The following IGFN1 variants were observed in gnomAD, a reference collection of about 807,000 sequenced individuals.
IGFN1 encodes immunoglobulin-like and fibronectin type III domain-containing protein 1.
IGFN1 carries 253 observed loss-of-function variants against 289.5 expected under a neutral mutation model. The ratio of observed to expected loss-of-function variants is 0.87; its 90% CI spans 0.79 to 0.97. IGFN1 has a LOEUF of 0.97. Ranked by LOEUF, IGFN1 falls within the 50% of genes least tolerant of loss-of-function variation. The pLI, the probability that IGFN1 is intolerant of heterozygous loss-of-function variation, is 0.00. For missense variants in IGFN1, 4,470 were observed against 4,686.1 expected (o/e 0.95, Z 1.35); for synonymous variants, 1,706 against 1,788.5 (o/e 0.95, Z 1.16).
intron 3 of IGFN1, among the ~76,000 whole-genome samples, chr1:201,194,489 A>G (rs183565237): frequency 3.1e-4 from 47 of 152,354 alleles, no homozygotes; most frequent in Admixed American, 2.9e-3. Flanking sequence ...AAGAGAGTGA[A>G]GAGACACCAT....
chr1:201,215,507 G>T, intron 14 of IGFN1, 32 bp from the exon 15 acceptor site: 1 of 1,520,694 alleles, frequency 6.6e-7, no homozygotes, highest in Non-Finnish European at 8.8e-7. Flanking sequence ...CCAGTGCCCT[G>T]GTCTTCCTTG....
At position 201,212,377 on chromosome 1, in the gene IGFN1, A is replaced by G; in HGVS notation, c.7484A>G (p.Asp2495Gly). The G allele has an allele frequency of 3.9e-6, 6 of 1,536,882 alleles. No homozygotes were observed. The highest frequency in any genetic ancestry group is 5.2e-6 in the Non-Finnish European group (6 of 1,146,806). The change falls in exon 12 of 24, where the codon GAC (aspartate) becomes GGC (glycine). Residue 2495 changes from aspartate (D) to glycine (G), a missense_variant. Asp to Gly is a moderately conservative substitution (Grantham distance 94). Coordinates refer to ENST00000335211, the MANE Select transcript of IGFN1 (RefSeq NM_001164586.2). ...AAACCAGATGTCAAAGAATGGCAAG[A>G]CAGTTCTGGGACTCCAGGGTCTTCT... ...KGKPDVKEWQ[D>G]SSGTPGSSRD...
chr1:201,201,855 T>TGGGGGGGCTTGGGGG, intron 9 of IGFN1, 23 bp downstream of exon 9: 1 of 746,310 alleles, frequency 1.3e-6, no homozygotes, highest in Non-Finnish European at 2.3e-6. Context: ...GGGCTATGGG[T>TGGGGGGGCTTGGGGG]GGGGGGGATC....
Position 201,209,113 on chromosome 1 carries a change from A to C in IGFN1, c.4220A>C (p.Glu1407Ala). ...CCTGGGGAGATGGGGTCACTGGATG[A>C]GTCAGGTCATAGGAATGGGATTGGA... ...RGPGEMGSLD[E>A]SGHRNGIGGY... Residue 1407 changes from glutamate to alanine, a missense_variant, in exon 12 of 24, where the codon GAG (glutamate) becomes GCG (alanine). Physicochemically the swap from Glu to Ala is moderately radical, Grantham distance 107. Transcript: ENST00000335211. 1 of 1,529,610 alleles carries C rather than the reference A, an allele frequency of 6.5e-7. No homozygotes were observed. The highest frequency in any genetic ancestry group is 8.7e-7 in the Non-Finnish European group (1 of 1,144,890). The allele number at this position is 1,529,610 out of a possible 1,614,324, so 94.8% of individuals were successfully genotyped here. A position where few individuals can be genotyped will look rare whatever the true frequency, so the allele number is the denominator to read the frequency against.
rs832156 is a variant in IGFN1 at position 201,206,099 on chromosome 1, C to A, written c.1206C>A (p.Asp402Glu). The A allele has an allele frequency of 0.72, 1,121,095 of 1,547,650 alleles. 407,310 individuals are homozygous for A. Among genetic ancestry groups the A allele is most frequent in the African/African-American group, 0.84 (61,343 of 73,068 alleles). ...TCACTGAAGCTGGGAAGGATAAAGACCTTCAGTCCACAAGTGCTGACCACA... is the reference window on the plus strand; with the variant it reads ...TCACTGAAGCTGGGAAGGATAAAGAACTTCAGTCCACAAGTGCTGACCACA... ...WLVVEAGKDK[D>E]LQSTSADHKL... The change falls in exon 12 of 24, where the codon GAC becomes GAA. Residue 402 changes from aspartate to glutamate, a missense_variant. Asp to Glu is a conservative substitution (Grantham distance 45). Around this residue, in one of 8 missense-constraint regions of IGFN1, gnomAD observed 2,011 missense variants for 1,953.4 expected, o/e 1.03. Coordinates refer to ENST00000335211, the MANE Select transcript of IGFN1 (RefSeq NM_001164586.2).
At position 201,208,574 on chromosome 1, in the gene IGFN1, G is replaced by A. The variant is rs1667549601; in HGVS notation, c.3681G>A (p.Gly1227=). 2 of 1,476,700 alleles carry A rather than the reference G, an allele frequency of 1.4e-6. No homozygotes were observed. Among genetic ancestry groups the A allele is most frequent in the South Asian group, 1.4e-5 (1 of 72,338 alleles). 91.5% of individuals were successfully genotyped at this position (1,476,700 alleles called of 1,614,324 possible). ...GSELPGPQGT[G]VRTAYGERSR... ...AACTTCCAGGGCCTCAGGGAACTGG[G>A]GTCAGAACAGCCTATGGAGAAAGGT... The change falls in exon 12 of 24, where the codon GGG becomes GGA. Residue 1227 remains glycine, a synonymous_variant. Transcript: ENST00000335211.
intron 16 of IGFN1, among the ~76,000 whole-genome samples, 165 bp from the exon 17 acceptor site, chr1:201,217,122 T>C (rs541043891): frequency 1.3e-5 from 2 of 152,190 alleles, no homozygotes; most frequent in South Asian, 2.1e-4. Context: ...TTCCCTTGAA[T>C]AGCCAGAACA....
At chr1:201,195,149 C>CTT (rs149647238) in intron 3 of IGFN1, among the ~76,000 whole-genome samples, 1 of 147,222 alleles carries the variant, frequency 6.8e-6, no homozygotes, top group Non-Finnish European at 1.5e-5. Context: ...AAAATCTCTT[C>CTT]TTTTTTTTTT....
chr1:201,199,213 G>C, intron 5 of IGFN1, 121 bp from the exon 6 acceptor site: 1 of 839,128 alleles, frequency 1.2e-6, no homozygotes, highest in Non-Finnish European at 2.0e-6. Context: ...ACGCCTTAGA[G>C]GACAGTGGGG....
At position 201,212,769 on chromosome 1, in the gene IGFN1, G is replaced by C. The variant is rs1319366106; in HGVS notation, c.7876G>C (p.Ala2626Pro). 2.6e-6 allele frequency: 4 copies of C among 1,551,540 alleles called. No homozygotes were observed. Among genetic ancestry groups the C allele is most frequent in the Non-Finnish European group, 3.5e-6 (4 of 1,146,912 alleles). ...TAGACAAGGGACGAGCAATGCTTGG[G>C]CTCCTGATTGGGAAAACCAGGGGTT... ...ADRQGTSNAWAPDWENQGFSQ... is the reference protein window; with the variant it reads ...ADRQGTSNAWPPDWENQGFSQ... The change falls in exon 12 of 24, where the codon GCT (alanine) becomes CCT (proline). Residue 2626 changes from alanine (A) to proline (P), a missense_variant. Ala to Pro is a conservative substitution (Grantham distance 27, BLOSUM62 -1). Coordinates refer to ENST00000335211, the MANE Select transcript of IGFN1 (RefSeq NM_001164586.2).
Position 201,203,656 on chromosome 1 carries a change from C to T in IGFN1, c.748-82C>T, listed in dbSNP as rs1667257268. The T allele has an allele frequency of 2.2e-6, 3 of 1,342,414 alleles. No individual in the cohort carries two copies. The African/African-American group carries it at 4.4e-5, about 20-fold the overall frequency. 83.2% of individuals were successfully genotyped at this position (1,342,414 alleles called of 1,614,324 possible). Reference sequence around the variant, plus strand: ...CGACTGGGCCCGTGGGAGAAAACTGCTGGTTATAGCCAGAATGGGACTGGG... The same window carrying T: ...CGACTGGGCCCGTGGGAGAAAACTGTTGGTTATAGCCAGAATGGGACTGGG... On this transcript the variant is annotated intron_variant, in intron 9 of 23. Transcript: ENST00000335211.
At position 201,226,022 on chromosome 1, in the gene IGFN1, TC is replaced by T; in HGVS notation, c.10689del (p.Gly3564AlafsTer37). ...AACCGCTTCACCCTCCTGGGCATCC[TC>T]CCCGGCCACGAATACCACTTCAGGG... The part of the protein sequence containing the change: ...HTNRFTLLGI[L>X]PGHEYHFRVV... On this transcript the variant is annotated frameshift_variant, in exon 22 of 24. Transcript: ENST00000335211. LOFTEE classifies it high-confidence loss of function. The T allele has an allele frequency of 6.3e-7, 1 of 1,582,738 alleles. No individual in the cohort carries two copies. The highest frequency in any genetic ancestry group is 8.6e-7 in the Non-Finnish European group (1 of 1,161,900).
chr1:201,196,082 C>G, intron 4 of IGFN1, 104 bp downstream of exon 4: 1 of 1,168,168 alleles, frequency 8.6e-7, no homozygotes, highest in Non-Finnish European at 1.2e-6. Flanking sequence ...AAGACATACT[C>G]CTCGTTGAGG....
At chr1:201,204,921 G>A (rs996434828) in intron 10 of IGFN1, among the ~76,000 whole-genome samples, 161 bp from the exon 11 acceptor site, 2 of 152,188 alleles carry the variant, frequency 1.3e-5, no homozygotes, top group Non-Finnish European at 2.9e-5. Context: ...TACTTGGGGG[G>A]AATTGACACC....
Position 201,228,544 on chromosome 1 carries a change from C to A in IGFN1, c.*145C>A. ...GAGAAGATGCCTGGCGAGGTTTTGG[C>A]CAGGAGGACGTGAAGTCCTTGGGGA... On this transcript the variant is annotated 3_prime_UTR_variant, in exon 24 of 24. Transcript: ENST00000335211. The A allele has an allele frequency of 1.1e-6, 1 of 873,044 alleles. No individual in the cohort carries two copies. The highest frequency in any genetic ancestry group is 1.9e-6 in the Non-Finnish European group (1 of 519,348). The allele number at this position is 873,044 out of a possible 1,614,324, so 54.1% of individuals were successfully genotyped here. A position where few individuals can be genotyped will look rare whatever the true frequency, so the allele number is the denominator to read the frequency against.
Position 201,195,932 on chromosome 1 carries a change from A to T in IGFN1, c.221A>T (p.Lys74Met). 6.4e-7 allele frequency: 1 copy of T among 1,551,832 alleles called. No individual in the cohort carries two copies. Among genetic ancestry groups the T allele is most frequent in the Non-Finnish European group, 8.7e-7 (1 of 1,147,020 alleles). Residue 74 changes from lysine (K) to methionine (M), a missense_variant, in exon 4 of 24, where the codon AAG becomes ATG. Lys to Met is a moderately conservative substitution (Grantham distance 95). Coordinates refer to ENST00000335211, the MANE Select transcript of IGFN1 (RefSeq NM_001164586.2). ...AAAGGTGACCTCAGTGATTCCAGCA[A>T]GTACAAGATCTCCTCCAGCCCTGGC... ...NSKGDLSDSS[K>M]YKISSSPGSK...
Position 201,209,007 on chromosome 1 carries a change from T to C in IGFN1, c.4114T>C (p.Ser1372Pro). The change falls in exon 12 of 24, where the codon TCA (serine) becomes CCA (proline). Residue 1372 changes from serine (S) to proline (P), a missense_variant. Ser to Pro is a moderately conservative substitution (Grantham distance 74). Transcript: ENST00000335211. The stretch of plus-strand genomic sequence containing the variant: ...TTTAAAGGGTTCCAGGGAAATCGGG[T>C]CAATGGATGAAACAGATAATAGGAA... ...GGLKGSREIG[S>P]MDETDNRKDL... 1 of 1,535,564 alleles carries C rather than the reference T, an allele frequency of 6.5e-7. No individual in the cohort carries two copies. Among genetic ancestry groups the C allele is most frequent in the Non-Finnish European group, 8.7e-7 (1 of 1,146,586 alleles).
At position 201,208,117 on chromosome 1, in the gene IGFN1, G is replaced by GTGGC. The variant is rs1447770040; in HGVS notation, c.3225_3228dup (p.Leu1077TrpfsTer13). The GTGGC allele has an allele frequency of 3.3e-6, 5 of 1,536,950 alleles. No homozygotes were observed. In the Admixed American group the frequency reaches 9.8e-5, roughly 30 times the overall value. ...CCTAGGGGAGGGCACCATTCAGATG[G>GTGGC]TGGCCTAGGGAGTCCTGGGGTGACA... On this transcript the variant is annotated frameshift_variant, in exon 12 of 24. Transcript: ENST00000335211. LOFTEE classifies it high-confidence loss of function.
Position 201,227,049 on chromosome 1 carries a change from C to T in IGFN1, c.10954C>T (p.Arg3652Cys), listed in dbSNP as rs142381894. The change falls in exon 23 of 24, where the codon CGC (arginine) becomes TGC (cysteine). Residue 3652 changes from arginine to cysteine, a missense_variant. Arg to Cys is a radical substitution (Grantham distance 180). Around this residue, in one of 8 missense-constraint regions of IGFN1, gnomAD observed 2,218 missense variants for 2,114.1 expected, o/e 1.05. Coordinates refer to ENST00000335211, the MANE Select transcript of IGFN1 (RefSeq NM_001164586.2). ...RPHVTWFKND[R>C]SLEGNPAVYS... ...CCACGTCACCTGGTTCAAGAATGAC[C>T]GCAGCCTGGAAGGAAACCCCGCGGT... The T allele has an allele frequency of 2.0e-4, 316 of 1,613,672 alleles. No homozygotes were observed. Among genetic ancestry groups the T allele is most frequent in the East Asian group, 1.0e-3 (47 of 44,886 alleles).
Sources: gnomAD v4.1 joint callset for allele counts (sites outside exome capture counted in the v4.1 genomes callset) on GRCh38, gnomAD v4.1.1 for gene constraint, gnomAD v4.1.1 regional missense constraint, MANE v1.5 for transcripts, NCBI Gene and HGNC (gene_info 2026-07-23, HGNC 2026-07-21) for gene names.